The following ANKS1B variants were observed in gnomAD, a reference collection of about 807,000 sequenced individuals.
The protein encoded by ANKS1B is ankyrin repeat and sterile alpha motif domain-containing protein 1B.
Under a neutral mutation model 148.3 loss-of-function variants are expected in ANKS1B, and 36 were observed. The observed-to-expected ratio is 0.24, with a 90% confidence interval of 0.19 to 0.32. The LOEUF is 0.32. Ranked by LOEUF, ANKS1B falls within the 10% of genes least tolerant of loss-of-function variation. The pLI, the probability that ANKS1B is intolerant of heterozygous loss-of-function variation, is 1.00. For missense variants in ANKS1B, 1,157 were observed against 1,542.6 expected, an observed-to-expected ratio of 0.75 and a Z score of 4.19; for synonymous variants, 542 against 560.8, an observed-to-expected ratio of 0.97 and a Z score of 0.47.
intron 17 of ANKS1B, among the ~76,000 whole-genome samples, chr12:98,850,367 T>A (rs2099516011): frequency 6.6e-6 from 1 of 151,960 alleles, no homozygotes; most frequent in South Asian, 2.1e-4. Flanking sequence ...TTCAGTGTGA[T>A]CTTGGATAAA....
At chr12:99,893,723 A>G (rs1472913043) in intron 1 of ANKS1B, among the ~76,000 whole-genome samples, 1 of 152,226 alleles carries the variant, frequency 6.6e-6, no homozygotes, top group Admixed American at 6.5e-5. Flanking sequence ...CCTATTTATA[A>G]GCGAGAACAT....
chr12:98,745,384 T>C lies in ANKS1B; in HGVS notation c.*355A>G, dbSNP rs1358918806. ...TTAGAGATCCCCTTTACTTTTTTTTTTTTTTTTTTTTTTTTAAAGAAAAGG... is the reference window on the plus strand; with the variant it reads ...TTAGAGATCCCCTTTACTTTTTTTTCTTTTTTTTTTTTTTTAAAGAAAAGG... On this transcript the variant is annotated 3_prime_UTR_variant, in exon 27 of 27. Transcript: ENST00000683438. 11 of 985,720 alleles carry C rather than the reference T, an allele frequency of 1.1e-5. No individual in the cohort carries two copies. The highest frequency in any genetic ancestry group is 1.2e-5 in the Non-Finnish European group (10 of 830,136). 61.1% of individuals were successfully genotyped at this position (985,720 alleles called of 1,614,324 possible). A position where few individuals can be genotyped will look rare whatever the true frequency, so the allele number is the denominator to read the frequency against.
At chr12:99,821,002 G>T (rs1460297435) in intron 2 of ANKS1B, among the ~76,000 whole-genome samples, 6 of 151,952 alleles carry the variant, frequency 3.9e-5, no homozygotes. Flanking sequence ...AACTGTACAA[G>T]TTCATAGATT....
At chr12:99,515,225 A>G (rs1055639857) in intron 9 of ANKS1B, among the ~76,000 whole-genome samples, 8 of 152,060 alleles carry the variant, frequency 5.3e-5, no homozygotes, top group African/African-American at 1.9e-4. Flanking sequence ...ATTGTTATTG[A>G]CTATAGCGCC....
intron 17 of ANKS1B, among the ~76,000 whole-genome samples, chr12:98,868,548 T>C (rs936016791): frequency 8.5e-5 from 13 of 152,352 alleles, no homozygotes; most frequent in Non-Finnish European, 1.8e-4. Context: ...ATCTCAAAGG[T>C]TGATGACATG....
chr12:99,878,832 T>G (rs1244051860), intron 1 of ANKS1B, among the ~76,000 whole-genome samples: 2 of 152,124 alleles, frequency 1.3e-5, no homozygotes, highest in African/African-American at 4.8e-5. Flanking sequence ...TCTATAGTAT[T>G]ATGTTTTTAT....
chr12:99,677,314 G>T (rs2098581800), intron 8 of ANKS1B, among the ~76,000 whole-genome samples: 1 of 152,086 alleles, frequency 6.6e-6, no homozygotes. Flanking sequence ...AGTACCACTT[G>T]CCCCTCCTCC....
intron 25 of ANKS1B, among the ~76,000 whole-genome samples, chr12:98,752,264 CT>C (rs112862863): frequency 0.57 from 84,365 of 146,918 alleles, 24,451 homozygotes; most frequent in African/African-American, 0.69. Flanking sequence ...CATTTTTTTT[CT>C]TTTTTTTTTT....
intron 23 of ANKS1B, among the ~76,000 whole-genome samples, chr12:98,781,781 GACC>G (rs1473745623): frequency 6.6e-6 from 1 of 152,190 alleles, no homozygotes; most frequent in African/African-American, 2.4e-5. Context: ...AATCACTTGT[GACC>G]ACAAGGGATG....
chr12:99,534,441 G>C (rs1368411021), intron 9 of ANKS1B, among the ~76,000 whole-genome samples: 1 of 152,156 alleles, frequency 6.6e-6, no homozygotes, highest in Non-Finnish European at 1.5e-5. Context: ...GAAAAATAAT[G>C]ATGAATCCAT....
intron 9 of ANKS1B, among the ~76,000 whole-genome samples, chr12:99,580,411 T>C (rs1275598852): frequency 6.6e-6 from 1 of 152,108 alleles, no homozygotes; most frequent in Non-Finnish European, 1.5e-5. Context: ...TTCAAAAATA[T>C]GACCTATTAG....
chr12:99,236,000 A>G (rs767843657), intron 14 of ANKS1B, among the ~76,000 whole-genome samples: 3 of 152,248 alleles, frequency 2.0e-5, no homozygotes, highest in Non-Finnish European at 4.4e-5. Context: ...TTGCTTGTTT[A>G]AAAGGCATAT....
chr12:99,108,955 G>A (rs1446754555), intron 15 of ANKS1B, among the ~76,000 whole-genome samples: 1 of 152,152 alleles, frequency 6.6e-6, no homozygotes, highest in Non-Finnish European at 1.5e-5. Flanking sequence ...GAATGAGGAA[G>A]GGAAGTAAAT....
At chr12:99,105,646 G>A (rs1444636522) in intron 15 of ANKS1B, among the ~76,000 whole-genome samples, 1 of 150,824 alleles carries the variant, frequency 6.6e-6, no homozygotes, top group Non-Finnish European at 1.5e-5. Context: ...GCGGGTGCCT[G>A]TAGTCCCAGC....
At chr12:99,035,337 A>C (rs2099954830) in intron 17 of ANKS1B, among the ~76,000 whole-genome samples, 1 of 152,160 alleles carries the variant, frequency 6.6e-6, no homozygotes, top group African/African-American at 2.4e-5. Flanking sequence ...CATTCCAGAG[A>C]GGGTCTTGCC....
At chr12:99,139,093 T>C (rs2069179957) in intron 15 of ANKS1B, among the ~76,000 whole-genome samples, 2 of 150,224 alleles carry the variant, frequency 1.3e-5, no homozygotes, top group African/African-American at 4.9e-5. Flanking sequence ...CCTTGAACTC[T>C]TGAGCTTAAG....
At chr12:99,108,274 A>G (rs2153694352) in intron 15 of ANKS1B, among the ~76,000 whole-genome samples, 1 of 152,340 alleles carries the variant, frequency 6.6e-6, no homozygotes, top group East Asian at 1.9e-4. Context: ...AGTGATCACA[A>G]TGCATTTTAG....
chr12:98,997,466 A>G (rs147618774), intron 17 of ANKS1B, among the ~76,000 whole-genome samples: 3,033 of 145,864 alleles, frequency 0.021, 106 homozygotes, highest in African/African-American at 0.074. Context: ...CAGTGGCGTG[A>G]TCTTGGCTCA....
chr12:99,657,719 C>T (rs185760401), intron 8 of ANKS1B, among the ~76,000 whole-genome samples: 121 of 150,838 alleles, frequency 8.0e-4, no homozygotes, highest in African/African-American at 2.8e-3. Context: ...TTTACCAGCT[C>T]ATGATCAGCT....
Sources: allele counts gnomAD v4.1 joint callset (sites outside exome capture counted in the v4.1 genomes callset), GRCh38; gene constraint gnomAD v4.1.1; transcripts MANE v1.5; gene names NCBI Gene and HGNC (gene_info 2026-07-23, HGNC 2026-07-21).